KIAA1958: variants seen among roughly 807,000 people sequenced by gnomAD.
The protein encoded by KIAA1958 is KIAA1958, also known as uncharacterized protein KIAA1958.
In KIAA1958, 14 loss-of-function variants were observed where a neutral mutation model predicts 47.2. The observed-to-expected ratio is 0.30, with a 90% CI of 0.20 to 0.46. The LOEUF is 0.46. Among genes scored for constraint, KIAA1958 ranks in the 20% least tolerant of loss-of-function variants. The pLI is 1.00. For synonymous variants in KIAA1958, 354 were observed against 353.3 expected (o/e 1.00, Z -0.02); for missense variants, 803 against 909.2 (o/e 0.88, Z 1.50).
chr9:112,528,877 A>T (rs1400068076), intron 1 of KIAA1958, among the ~76,000 whole-genome samples: 1 of 152,182 alleles, frequency 6.6e-6, no homozygotes, highest in African/African-American at 2.4e-5. Context: ...TATGGTAAAG[A>T]TATAATCAGT....
rs1401829585 is a variant in KIAA1958 at position 112,575,131 on chromosome 9, T to A, written c.1051T>A (p.Ser351Thr). 6.2e-7 allele frequency: 1 copy of A among 1,604,836 alleles called. No homozygotes were observed. Residue 351 changes from serine (S) to threonine (T), a missense_variant, in exon 2 of 4, where the codon TCC (serine) becomes ACC (threonine). Ser to Thr is a moderately conservative substitution (Grantham distance 58). Around this residue, in one of 2 missense-constraint regions of KIAA1958, gnomAD observed 761 missense variants for 829.3 expected, o/e 0.92. Transcript: ENST00000337530. ...EFLSHLPSQVSSCEVALSPSV... is the reference protein window; with the variant it reads ...EFLSHLPSQVTSCEVALSPSV... ...CCTGTCCCATCTGCCCAGCCAGGTC[T>A]CCTCCTGTGAGGTAGCCCTTTCTCC...
At chr9:112,588,897 G>A (rs1395200345) in intron 2 of KIAA1958, among the ~76,000 whole-genome samples, 1 of 151,862 alleles carries the variant, frequency 6.6e-6, no homozygotes, top group East Asian at 1.9e-4. Context: ...TTGGTAGGAA[G>A]TAACTTTTGG....
intron 1 of KIAA1958, among the ~76,000 whole-genome samples, chr9:112,539,692 C>T (rs569239479): frequency 6.0e-5 from 9 of 150,450 alleles, no homozygotes; most frequent in South Asian, 2.1e-4. Flanking sequence ...ATTTTTTTTG[C>T]GGGGGTGGGG....
At chr9:112,530,871 TAA>T (rs1489367307) in intron 1 of KIAA1958, among the ~76,000 whole-genome samples, 1 of 152,214 alleles carries the variant, frequency 6.6e-6, no homozygotes, top group Non-Finnish European at 1.5e-5. Flanking sequence ...TGCCAGAAAT[TAA>T]GTTTAGCTTT....
At chr9:112,516,349 C>T (rs1229464415) in intron 1 of KIAA1958, among the ~76,000 whole-genome samples, 1 of 151,282 alleles carries the variant, frequency 6.6e-6, no homozygotes, top group African/African-American at 2.4e-5. Context: ...TTTAAAAATA[C>T]CATTTGTAAT....
intron 1 of KIAA1958, among the ~76,000 whole-genome samples, chr9:112,523,807 A>G (rs945685487): frequency 1.3e-5 from 2 of 152,226 alleles, no homozygotes; most frequent in Non-Finnish European, 2.9e-5. Flanking sequence ...TTAGGTTTGT[A>G]GGTGATGAAG....
intron 3 of KIAA1958, among the ~76,000 whole-genome samples, chr9:112,648,717 A>C (rs575791256): frequency 1.2e-3 from 187 of 152,352 alleles, no homozygotes; most frequent in Non-Finnish European, 2.0e-3. Context: ...CAAGGATCCA[A>C]AAGGATCAAA....
chr9:112,585,794 A>G (rs1198327865), intron 2 of KIAA1958, among the ~76,000 whole-genome samples: 3 of 152,224 alleles, frequency 2.0e-5, no homozygotes, highest in Non-Finnish European at 4.4e-5. Flanking sequence ...CCAAAGGCAC[A>G]ACACTATTTT....
chr9:112,584,076 A>T (rs1271933674), intron 2 of KIAA1958, among the ~76,000 whole-genome samples: 1 of 152,024 alleles, frequency 6.6e-6, no homozygotes, highest in African/African-American at 2.4e-5. Flanking sequence ...AAAAAAAAAA[A>T]TCTGAGTGAT....
intron 1 of KIAA1958, among the ~76,000 whole-genome samples, chr9:112,511,721 C>A (rs1160225068): frequency 1.3e-5 from 2 of 151,896 alleles, no homozygotes; most frequent in Non-Finnish European, 2.9e-5. Flanking sequence ...ATAAATAAAA[C>A]CAAAAGCTGG....
rs1192304226 is a variant in KIAA1958 at position 112,662,676 on chromosome 9, C to A, written c.*2607C>A. 6.6e-6 allele frequency: 1 copy of A among 152,470 alleles called. No individual in the cohort carries two copies. Among genetic ancestry groups the A allele is most frequent in the East Asian group, 1.9e-4 (1 of 5,202 alleles). The allele number at this position is 152,470 out of a possible 1,614,324, so 9.4% of individuals were successfully genotyped here. Reference sequence around the variant, plus strand: ...GCGTGGTGGCAGGTGCCTGTAATCCCAGCTACTTGAGAGTCTGAAGCAGGA... The same window carrying A: ...GCGTGGTGGCAGGTGCCTGTAATCCAAGCTACTTGAGAGTCTGAAGCAGGA... On this transcript the variant is annotated 3_prime_UTR_variant, in exon 4 of 4. Transcript: ENST00000337530.
chr9:112,491,939 A>G (rs1443508926), intron 1 of KIAA1958, among the ~76,000 whole-genome samples: 3 of 151,966 alleles, frequency 2.0e-5, no homozygotes, highest in African/African-American at 7.3e-5. Flanking sequence ...TTTTTCTTAT[A>G]TTTTCCTCTG....
At chr9:112,493,517 C>T (rs1834005980) in intron 1 of KIAA1958, among the ~76,000 whole-genome samples, 1 of 152,220 alleles carries the variant, frequency 6.6e-6, no homozygotes, top group South Asian at 2.1e-4. Flanking sequence ...AATCAAGCCC[C>T]TGGGTCAGTC....
chr9:112,618,001 T>C lies in KIAA1958; in HGVS notation c.1172-27649T>C, dbSNP rs1369568413. 20 of 1,550,508 alleles carry C rather than the reference T, an allele frequency of 1.3e-5. No individual in the cohort carries two copies. The highest frequency in any genetic ancestry group is 1.7e-5 in the Non-Finnish European group (19 of 1,147,016). On this transcript the variant is annotated intron_variant, in intron 2 of 3. Transcript: ENST00000337530. This position sits in a 1 kb window ranked among gnomAD's most constrained non-coding sequence, Gnocchi z 7.1. The stretch of plus-strand genomic sequence containing the variant: ...ATCCTTCTGAAACAAGAGAGATTTA[T>C]GTCATCCCTTGCAAGGAGTTGGATG...
intron 1 of KIAA1958, among the ~76,000 whole-genome samples, chr9:112,564,936 A>G (rs1375042662): frequency 1.3e-5 from 2 of 152,210 alleles, no homozygotes; most frequent in African/African-American, 4.8e-5. Context: ...TAAAATGAGG[A>G]TAATTAATTT....
Position 112,638,210 on chromosome 9 carries a change from GAAAAAT to G in KIAA1958, c.1172-7436_1172-7431del, listed in dbSNP as rs1280464398. Among the ~76,000 whole-genome samples the G allele has an allele frequency of 3.9e-5, 6 of 152,162 alleles. No homozygotes were observed. The South Asian group carries it at 1.0e-3, about 26-fold the overall frequency. On this transcript the variant is annotated intron_variant, in intron 2 of 3. Transcript: ENST00000337530. ...TGGTGTTATGTGGGAAGTTGAAAAA[GAAAAAT>G]AAAGAAGGCTGGGCACAGTGGATCA...
At chr9:112,642,889 G>A (rs1186350018) in intron 2 of KIAA1958, among the ~76,000 whole-genome samples, 1 of 152,090 alleles carries the variant, frequency 6.6e-6, no homozygotes, top group East Asian at 1.9e-4. Context: ...CATCATTTCT[G>A]TCCCATTATG....
chr9:112,546,747 A>T (rs532569677), intron 1 of KIAA1958, among the ~76,000 whole-genome samples: 12 of 152,038 alleles, frequency 7.9e-5, no homozygotes, highest in African/African-American at 2.9e-4. Context: ...TCAGAGTTCT[A>T]TGTCCTCTCT....
At chr9:112,582,013 C>T (rs1216769929) in intron 2 of KIAA1958, 6 of 249,762 alleles carry the variant, frequency 2.4e-5, no homozygotes, top group African/African-American at 1.4e-4. Context: ...TGCAGTTGAG[C>T]AGCCCTATTA....
Sources: allele counts gnomAD v4.1 joint callset (sites outside exome capture counted in the v4.1 genomes callset), GRCh38; gene constraint gnomAD v4.1.1; regional missense constraint gnomAD v4.1.1; non-coding constraint Gnocchi (gnomAD v3.1); transcripts MANE v1.5; gene names NCBI Gene and HGNC (gene_info 2026-07-23, HGNC 2026-07-21).